Variants in FAM184B observed in about 807,000 individuals in gnomAD.
The protein encoded by FAM184B is family with sequence similarity 184 member B, also known as protein FAM184B.
A neutral mutation model predicts 135.9 loss-of-function variants in FAM184B; 111 were observed. The ratio of observed to expected loss-of-function variants is 0.82; its 90% CI spans 0.70 to 0.96. The LOEUF is 0.96. FAM184B is among the 40% of genes least tolerant of loss of function. The probability of loss-of-function intolerance (pLI) is 0.00; values close to 1 mark genes in which losing one functional copy is unlikely to be tolerated. For missense variants in FAM184B, 1,375 were observed against 1,323.9 expected, an observed-to-expected ratio of 1.04 and a Z score of -0.60; for synonymous variants, 552 against 524.8, an observed-to-expected ratio of 1.05 and a Z score of -0.71.
At position 17,781,231 on chromosome 4, in the gene FAM184B, G is replaced by T; in HGVS notation, c.69C>A (p.Gly23=). The T allele has an allele frequency of 6.4e-7, 1 of 1,550,832 alleles. No individual in the cohort carries two copies. The highest frequency in any genetic ancestry group is 8.7e-7 in the Non-Finnish European group (1 of 1,146,586). ...GTCQGSKADG[G]AGWRMDCDPQ... ...GATCACAGTCCATTCTCCAGCCGGC[G>T]CCACCGTCGGCTTTGGAGCCCTGGC... The change falls in exon 1 of 18, where the codon GGC becomes GGA. Residue 23 remains glycine, a synonymous_variant. Coordinates refer to ENST00000265018, the MANE Select transcript of FAM184B (RefSeq NM_015688.2). This position sits in a 1 kb window ranked among gnomAD's most constrained non-coding sequence, Gnocchi z 6.5.
At chr4:17,745,606 C>A (rs1489243755) in intron 1 of FAM184B, among the ~76,000 whole-genome samples, 1 of 152,198 alleles carries the variant, frequency 6.6e-6, no homozygotes, top group Non-Finnish European at 1.5e-5. Flanking sequence ...ATATGCAGAC[C>A]TGCACCTCCA....
At position 17,629,796 on chromosome 4, in the gene FAM184B, G is replaced by A. The variant is rs1161205659; in HGVS notation, c.*2736C>T. On this transcript the variant is annotated 3_prime_UTR_variant, in exon 18 of 18. Transcript: ENST00000265018. ...AATAGAATGTTTTATCTATCAAATT[G>A]TATTTCTTTGTCAATAGTGTTAGGG... The A allele has an allele frequency of 6.6e-6, 1 of 152,112 alleles. No individual in the cohort carries two copies. The highest frequency in any genetic ancestry group is 6.5e-5 in the Admixed American group (1 of 15,270). The allele number at this position is 152,112 out of a possible 1,614,324, so 9.4% of individuals were successfully genotyped here. A position where few individuals can be genotyped will look rare whatever the true frequency, so the allele number is the denominator to read the frequency against.
At chr4:17,649,851 T>C (rs1399240676) in intron 11 of FAM184B, among the ~76,000 whole-genome samples, 17 of 144,194 alleles carry the variant, frequency 1.2e-4, no homozygotes, top group South Asian at 2.3e-4. Context: ...CACCTGTCCA[T>C]CCATCCATCC....
At chr4:17,734,657 C>T (rs1052682385) in intron 1 of FAM184B, among the ~76,000 whole-genome samples, 20 of 150,244 alleles carry the variant, frequency 1.3e-4, no homozygotes, top group African/African-American at 2.7e-4. Context: ...GTTAGAATGG[C>T]GATCATTAAA....
Position 17,669,387 on chromosome 4 carries a change from C to T in FAM184B, c.1597-4728G>A, listed in dbSNP as rs191545087. On this transcript the variant is annotated intron_variant, in intron 7 of 17. Transcript: ENST00000265018. ...CCATAAATTCAGGTTCTGTATAAACCTGGGGAAATTGCATGGTGAACATGG... is the reference window on the plus strand; with the variant it reads ...CCATAAATTCAGGTTCTGTATAAACTTGGGGAAATTGCATGGTGAACATGG... 1.8e-3 allele frequency among the ~76,000 whole-genome samples: 273 copies of T among 152,230 alleles called. 1 individual carries two copies. Among genetic ancestry groups the T allele is most frequent in the Non-Finnish European group, 3.3e-3 (225 of 68,020 alleles).
At chr4:17,725,297 A>G (rs762453496) in intron 1 of FAM184B, among the ~76,000 whole-genome samples, 6 of 152,192 alleles carry the variant, frequency 3.9e-5, no homozygotes, top group Non-Finnish European at 7.3e-5. Context: ...ATTCTGTATG[A>G]CAGAGAGGGG....
At chr4:17,668,888 G>A (rs1330859547) in intron 7 of FAM184B, among the ~76,000 whole-genome samples, 1 of 152,138 alleles carries the variant, frequency 6.6e-6, no homozygotes, top group Admixed American at 6.5e-5. Context: ...TATGTGCCAG[G>A]CATTGTTCTA....
At chr4:17,740,671 G>T (rs1718013528) in intron 1 of FAM184B, among the ~76,000 whole-genome samples, 1 of 152,208 alleles carries the variant, frequency 6.6e-6, no homozygotes, top group Admixed American at 6.5e-5. Context: ...CAGTTGCCCA[G>T]TTGGAAGCTG....
At chr4:17,658,262 G>A (rs984921084) in intron 10 of FAM184B, 88 bp downstream of exon 10, 18 of 1,128,422 alleles carry the variant, frequency 1.6e-5, no homozygotes, top group Middle Eastern at 2.0e-4. Context: ...GGGATTGGAT[G>A]TCATGTAGAA....
intron 12 of FAM184B, among the ~76,000 whole-genome samples, chr4:17,644,004 A>AG (rs1420598283): frequency 1.3e-5 from 2 of 152,198 alleles, no homozygotes; most frequent in Non-Finnish European, 2.9e-5. Flanking sequence ...TCAGAGCCAG[A>AG]GGGGGCCACT....
chr4:17,657,475 C>T (rs1424200065), intron 10 of FAM184B, among the ~76,000 whole-genome samples: 1 of 152,128 alleles, frequency 6.6e-6, no homozygotes, highest in Non-Finnish European at 1.5e-5. Flanking sequence ...GACACCTCTT[C>T]AAGGAACTGC....
Position 17,639,302 on chromosome 4 carries a change from A to G in FAM184B, c.2614T>C (p.Phe872Leu). 1.3e-6 allele frequency: 2 copies of G among 1,551,632 alleles called. No individual in the cohort carries two copies. The highest frequency in any genetic ancestry group is 4.9e-5 in the East Asian group (2 of 40,904). Residue 872 changes from phenylalanine (F) to leucine (L), a missense_variant, in exon 14 of 18, where the codon TTC (phenylalanine) becomes CTC (leucine). By Grantham distance (22) the Phe-to-Leu change is conservative (BLOSUM62 0). Transcript: ENST00000265018. Reference sequence around the variant, plus strand: ...TGGAGCTGGGCCTGGGCACTACTGAAATCTGCCACCATGGCCTGCATCTCC... The same window carrying G: ...TGGAGCTGGGCCTGGGCACTACTGAGATCTGCCACCATGGCCTGCATCTCC... ...RKEMQAMVAD[F>L]SSAQAQLQAR...
intron 1 of FAM184B, among the ~76,000 whole-genome samples, chr4:17,735,061 C>T (rs921693535): frequency 1.3e-5 from 2 of 151,966 alleles, no homozygotes; most frequent in African/African-American, 4.8e-5. Flanking sequence ...AATCATCATT[C>T]TCAGCAAACT....
At chr4:17,748,435 T>C (rs1718223031) in intron 1 of FAM184B, among the ~76,000 whole-genome samples, 1 of 151,422 alleles carries the variant, frequency 6.6e-6, no homozygotes, top group Admixed American at 6.6e-5. Flanking sequence ...TTGATATACC[T>C]CAGAGTTGGT....
At chr4:17,682,114 A>G (rs1315729811) in intron 7 of FAM184B, among the ~76,000 whole-genome samples, 2 of 152,146 alleles carry the variant, frequency 1.3e-5, no homozygotes, top group Non-Finnish European at 2.9e-5. Flanking sequence ...AGTTACCACA[A>G]ATGACTCCCT....
At chr4:17,680,736 T>C (rs4475142) in intron 7 of FAM184B, among the ~76,000 whole-genome samples, 2,315 of 152,322 alleles carry the variant, frequency 0.015, 68 homozygotes, top group African/African-American at 0.053. Context: ...AACCATCTAC[T>C]GCAAATGCTT....
intron 1 of FAM184B, among the ~76,000 whole-genome samples, chr4:17,743,815 A>T (rs1345985274): frequency 6.6e-6 from 1 of 152,232 alleles, no homozygotes; most frequent in Admixed American, 6.5e-5. Flanking sequence ...GTTGATAAAC[A>T]ACCACTAACT....
Position 17,660,040 on chromosome 4 carries a change from C to G in FAM184B, c.1742G>C (p.Gly581Ala). 1 of 1,551,576 alleles carries G rather than the reference C, an allele frequency of 6.4e-7. No individual in the cohort carries two copies. Among genetic ancestry groups the G allele is most frequent in the Non-Finnish European group, 8.7e-7 (1 of 1,146,974 alleles). ...KEGSDPQPPLGSLLKEKTSKI... is the reference protein window; with the variant it reads ...KEGSDPQPPLASLLKEKTSKI... ...GGATGTTTTCTCCTTCAACAAAGAGCCCAGTGGAGGTTGTGGGTCACTTCC... is the reference window on the plus strand; with the variant it reads ...GGATGTTTTCTCCTTCAACAAAGAGGCCAGTGGAGGTTGTGGGTCACTTCC... Residue 581 changes from glycine to alanine, a missense_variant, in exon 9 of 18, where the codon GGC becomes GCC. Physicochemically the swap from Gly to Ala is moderately conservative, Grantham distance 60. Coordinates refer to ENST00000265018, the MANE Select transcript of FAM184B (RefSeq NM_015688.2).
chr4:17,708,115 C>T (rs1454458777), intron 2 of FAM184B, among the ~76,000 whole-genome samples: 1 of 152,132 alleles, frequency 6.6e-6, no homozygotes, highest in East Asian at 1.9e-4. Context: ...AACACAAAGT[C>T]CTGGGGATTT....
Sources: gnomAD v4.1 joint callset for allele counts (sites outside exome capture counted in the v4.1 genomes callset) on GRCh38, gnomAD v4.1.1 for gene constraint, Gnocchi (gnomAD v3.1) non-coding constraint, MANE v1.5 for transcripts, NCBI Gene and HGNC (gene_info 2026-07-23, HGNC 2026-07-21) for gene names.